The following LRRC4C variants were observed in gnomAD, a reference collection of about 807,000 sequenced individuals.
The protein encoded by LRRC4C is leucine rich repeat containing 4C.
LRRC4C carries 5 observed loss-of-function variants against 33.6 expected under a neutral mutation model. That is an observed-to-expected ratio of 0.15 (90% CI 0.08 to 0.31). LRRC4C has a LOEUF of 0.31. LRRC4C is among the 10% of genes least tolerant of loss of function. The pLI is 1.00. For missense variants in LRRC4C, 560 were observed against 796.7 expected, an observed-to-expected ratio of 0.70 and a Z score of 3.58; for synonymous variants, 329 against 302.0, an observed-to-expected ratio of 1.09 and a Z score of -0.93.
At chr11:40,427,123 T>C (rs1312857994) in intron 3 of LRRC4C, among the ~76,000 whole-genome samples, 1 of 152,120 alleles carries the variant, frequency 6.6e-6, no homozygotes, top group African/African-American at 2.4e-5. Context: ...CTAGTATTCA[T>C]AATAATATAG....
chr11:41,430,364 A>G (rs1452284126), intron 1 of LRRC4C, among the ~76,000 whole-genome samples: 1 of 152,094 alleles, frequency 6.6e-6, no homozygotes, highest in African/African-American at 2.4e-5. Context: ...TTTTTTCCTC[A>G]TACTGGGAAA....
chr11:40,913,843 C>T (rs1309656604), intron 2 of LRRC4C, among the ~76,000 whole-genome samples: 1 of 151,924 alleles, frequency 6.6e-6, no homozygotes, highest in Non-Finnish European at 1.5e-5. Context: ...CAAATAGACG[C>T]AATAAAAAAT....
At chr11:40,887,863 G>A (rs1955534039) in intron 2 of LRRC4C, among the ~76,000 whole-genome samples, 1 of 151,734 alleles carries the variant, frequency 6.6e-6, no homozygotes, top group African/African-American at 2.4e-5. Flanking sequence ...TCTTTATTAA[G>A]GTACTGCCTA....
intron 2 of LRRC4C, among the ~76,000 whole-genome samples, chr11:40,819,178 G>C (rs1333334421): frequency 2.0e-5 from 3 of 152,098 alleles, no homozygotes; most frequent in Non-Finnish European, 2.9e-5. Context: ...AATATGTGCA[G>C]AAGAGTTGGT....
chr11:41,342,858 A>G, intron 1 of LRRC4C, among the ~76,000 whole-genome samples: 1 of 152,218 alleles, frequency 6.6e-6, no homozygotes, highest in East Asian at 1.9e-4. Context: ...ACAGTAACGT[A>G]TTCTCTCAAA....
chr11:40,671,549 G>A (rs1424679344), intron 2 of LRRC4C, among the ~76,000 whole-genome samples: 1 of 151,824 alleles, frequency 6.6e-6, no homozygotes, highest in African/African-American at 2.4e-5. Flanking sequence ...TATAGCACAA[G>A]TTTATTTATG....
intron 3 of LRRC4C, among the ~76,000 whole-genome samples, chr11:40,393,706 G>T (rs566694577): frequency 2.0e-5 from 3 of 152,110 alleles, no homozygotes; most frequent in Non-Finnish European, 4.4e-5. Context: ...TGACTAATAC[G>T]ACAGCAGGAT....
rs1367974573 is a variant in LRRC4C, at chr11:40,115,940, C to G, written c.353G>C (p.Gly118Ala). The change falls in exon 7 of 7, where the codon GGG becomes GCG. Residue 118 changes from glycine (G) to alanine (A), a missense_variant. Gly to Ala is a moderately conservative substitution (Grantham distance 60). Transcript: ENST00000528697. This position sits in a 1 kb window ranked among gnomAD's most constrained non-coding sequence, Gnocchi z 6.7. ...GAGGTTCGCCAGACCATTGAAAGCC[C>G]CAATTTCAATGGTTCTGATATGGTT... is the stretch of plus-strand genomic sequence containing the variant. ...SRNHIRTIEIGAFNGLANLNT... is the reference protein window; with the variant it reads ...SRNHIRTIEIAAFNGLANLNT... The G allele has an allele frequency of 6.2e-7, 1 of 1,613,842 alleles. No homozygotes were observed. The highest frequency in any genetic ancestry group is 8.5e-7 in the Non-Finnish European group (1 of 1,180,006).
At chr11:41,351,013 T>C (rs1951961921) in intron 1 of LRRC4C, among the ~76,000 whole-genome samples, 1 of 152,086 alleles carries the variant, frequency 6.6e-6, no homozygotes, top group African/African-American at 2.4e-5. Context: ...GTGGATTGCT[T>C]GAACTCAGGA....
intron 1 of LRRC4C, among the ~76,000 whole-genome samples, chr11:40,994,085 T>C (rs1436935118): frequency 1.3e-5 from 2 of 151,442 alleles, no homozygotes; most frequent in Non-Finnish European, 2.9e-5. Flanking sequence ...GTTCAATGTG[T>C]AGTGGAGTGT....
chr11:41,085,822 T>C (rs1939932138), intron 1 of LRRC4C, among the ~76,000 whole-genome samples: 1 of 150,784 alleles, frequency 6.6e-6, no homozygotes, highest in Non-Finnish European at 1.5e-5. Context: ...GTACTTAAGA[T>C]GGATTTTTTC....
chr11:40,158,840 T>A (rs1398837973), intron 5 of LRRC4C, among the ~76,000 whole-genome samples: 4 of 152,186 alleles, frequency 2.6e-5, no homozygotes, highest in Non-Finnish European at 5.9e-5. Context: ...GTCTTCATCA[T>A]GAAACTCATA....
At chr11:40,866,169 T>TAA (rs34472076) in intron 2 of LRRC4C, among the ~76,000 whole-genome samples, 2,806 of 135,208 alleles carry the variant, frequency 0.021, 57 homozygotes, top group East Asian at 0.046. Flanking sequence ...TAATTCTACT[T>TAA]AAAAAAAAAA....
At chr11:41,389,895 C>A (rs1483286161) in intron 1 of LRRC4C, among the ~76,000 whole-genome samples, 1 of 151,664 alleles carries the variant, frequency 6.6e-6, no homozygotes, top group Non-Finnish European at 1.5e-5. Flanking sequence ...GGACCATACC[C>A]CAAAATTAAC....
intron 1 of LRRC4C, among the ~76,000 whole-genome samples, chr11:41,178,147 T>C (rs1022416588): frequency 3.3e-5 from 5 of 152,194 alleles, no homozygotes; most frequent in African/African-American, 1.2e-4. Flanking sequence ...GAGAACATTG[T>C]CTAGATATAA....
chr11:40,870,709 C>A (rs1038226536), intron 2 of LRRC4C, among the ~76,000 whole-genome samples: 1 of 152,138 alleles, frequency 6.6e-6, no homozygotes, highest in African/African-American at 2.4e-5. Flanking sequence ...CCTTCCTAAG[C>A]TGAGGAGGAT....
chr11:40,350,949 CT>C (rs1189720980), intron 3 of LRRC4C, among the ~76,000 whole-genome samples: 4 of 151,996 alleles, frequency 2.6e-5, no homozygotes, highest in African/African-American at 9.7e-5. Flanking sequence ...TATCCTGCAA[CT>C]TTACTGAATT....
At chr11:40,957,480 T>A (rs1959010295) in intron 1 of LRRC4C, among the ~76,000 whole-genome samples, 1 of 151,748 alleles carries the variant, frequency 6.6e-6, no homozygotes, top group Admixed American at 6.6e-5. Context: ...TTGATTCTCT[T>A]TTTCAAGGTT....
intron 1 of LRRC4C, among the ~76,000 whole-genome samples, chr11:41,208,532 G>C (rs1365401637): frequency 6.6e-6 from 1 of 152,168 alleles, no homozygotes; most frequent in Non-Finnish European, 1.5e-5. Flanking sequence ...TGTCTTAACT[G>C]AAGACAGAAA....
Sources: gnomAD v4.1 joint callset for allele counts (sites outside exome capture counted in the v4.1 genomes callset) on GRCh38, gnomAD v4.1.1 for gene constraint, Gnocchi (gnomAD v3.1) non-coding constraint, MANE v1.5 for transcripts, NCBI Gene and HGNC (gene_info 2026-07-23, HGNC 2026-07-21) for gene names.